Variants in NKAIN2 observed in about 807,000 individuals in gnomAD.
NKAIN2 encodes the protein sodium/potassium transporting ATPase interacting 2.
In NKAIN2, 14 loss-of-function variants were observed where a neutral mutation model predicts 32.6. The observed-to-expected ratio is 0.43, with a 90% CI of 0.28 to 0.67. The LOEUF is 0.67. NKAIN2 is among the 30% of genes least tolerant of loss of function. The pLI is 0.17. For missense variants in NKAIN2, 198 were observed against 258.3 expected (o/e 0.77, Z 1.60); for synonymous variants, 80 against 87.2 (o/e 0.92, Z 0.46).
intron 1 of NKAIN2, among the ~76,000 whole-genome samples, chr6:124,025,803 T>C (rs1324918376): frequency 3.4e-4 from 52 of 152,284 alleles, no homozygotes; most frequent in Admixed American, 3.4e-3. Context: ...CACCTTAGCA[T>C]TGTGGGGATT....
intron 3 of NKAIN2, among the ~76,000 whole-genome samples, chr6:124,454,793 T>A (rs900116774): frequency 2.0e-5 from 3 of 152,026 alleles, no homozygotes; most frequent in African/African-American, 7.2e-5. Context: ...AAACTGAGCA[T>A]TTTATTACCA....
intron 4 of NKAIN2, among the ~76,000 whole-genome samples, chr6:124,708,575 T>G (rs1308130442): frequency 6.6e-6 from 1 of 151,614 alleles, no homozygotes; most frequent in Non-Finnish European, 1.5e-5. Flanking sequence ...GTAAGTTGGA[T>G]TCCTAGGTAT....
intron 3 of NKAIN2, among the ~76,000 whole-genome samples, chr6:124,612,298 G>A (rs1244904007): frequency 6.6e-6 from 1 of 151,886 alleles, no homozygotes; most frequent in African/African-American, 2.4e-5. Flanking sequence ...CAGTTGCTTT[G>A]CATTAATAAA....
chr6:124,760,989 A>C (rs1778238134), intron 4 of NKAIN2, among the ~76,000 whole-genome samples: 1 of 152,196 alleles, frequency 6.6e-6, no homozygotes, highest in Admixed American at 6.5e-5. Context: ...CTGAATAAAT[A>C]ACTGAAATAT....
chr6:124,093,429 G>A (rs1784516194), intron 1 of NKAIN2, among the ~76,000 whole-genome samples: 1 of 152,010 alleles, frequency 6.6e-6, no homozygotes, highest in Non-Finnish European at 1.5e-5. Context: ...CTAACCCATA[G>A]GATTGTTACA....
chr6:124,469,635 C>A (rs918791246), intron 3 of NKAIN2, among the ~76,000 whole-genome samples: 2 of 152,108 alleles, frequency 1.3e-5, no homozygotes, highest in African/African-American at 4.8e-5. Context: ...GGAACTGTTT[C>A]ATTTAAAAAC....
At chr6:123,983,394 T>C (rs962678778) in intron 1 of NKAIN2, among the ~76,000 whole-genome samples, 2 of 152,190 alleles carry the variant, frequency 1.3e-5, no homozygotes, top group Non-Finnish European at 2.9e-5. Flanking sequence ...TTATTAGCAC[T>C]CTTGAACCAA....
At chr6:124,211,822 G>T (rs538257579) in intron 1 of NKAIN2, among the ~76,000 whole-genome samples, 1 of 151,890 alleles carries the variant, frequency 6.6e-6, no homozygotes, top group Admixed American at 6.6e-5. Context: ...GTTAAAAGTC[G>T]AAAATTGTGA....
intron 1 of NKAIN2, among the ~76,000 whole-genome samples, chr6:124,246,826 A>G (rs1793432693): frequency 6.6e-6 from 1 of 152,034 alleles, no homozygotes; most frequent in South Asian, 2.1e-4. Flanking sequence ...TACCATATCA[A>G]TTTACCACAA....
chr6:124,091,561 C>T (rs1209667568), intron 1 of NKAIN2, among the ~76,000 whole-genome samples: 2 of 152,030 alleles, frequency 1.3e-5, no homozygotes, highest in African/African-American at 4.8e-5. Context: ...TTTTTGTACA[C>T]ATTGGCTGAA....
At chr6:124,042,587 A>G (rs752554733) in intron 1 of NKAIN2, among the ~76,000 whole-genome samples, 62 of 152,074 alleles carry the variant, frequency 4.1e-4, no homozygotes, top group Non-Finnish European at 8.4e-4. Flanking sequence ...CATGCCTGCA[A>G]ATTTTGTGGT....
chr6:124,685,356 A>C (rs1773818234), intron 4 of NKAIN2, among the ~76,000 whole-genome samples: 1 of 152,208 alleles, frequency 6.6e-6, no homozygotes, highest in South Asian at 2.1e-4. Flanking sequence ...TTAAATTTGA[A>C]ATGTAATTGC....
At chr6:124,545,412 T>G (rs1445708148) in intron 3 of NKAIN2, among the ~76,000 whole-genome samples, 2 of 152,078 alleles carry the variant, frequency 1.3e-5, no homozygotes, top group Non-Finnish European at 2.9e-5. Flanking sequence ...AAGAGATAAG[T>G]CATTGGCAAG....
chr6:124,702,362 G>A (rs1774837849), intron 4 of NKAIN2, among the ~76,000 whole-genome samples: 1 of 151,932 alleles, frequency 6.6e-6, no homozygotes, highest in Non-Finnish European at 1.5e-5. Context: ...TTAAATATAA[G>A]GACAAAGAGC....
intron 3 of NKAIN2, among the ~76,000 whole-genome samples, chr6:124,520,461 G>T (rs1779080530): frequency 6.6e-6 from 1 of 152,014 alleles, no homozygotes; most frequent in Non-Finnish European, 1.5e-5. Context: ...TTATAAAATT[G>T]TTTAACATTT....
At chr6:124,370,321 T>A (rs1050494369) in intron 3 of NKAIN2, among the ~76,000 whole-genome samples, 1 of 152,180 alleles carries the variant, frequency 6.6e-6, no homozygotes, top group South Asian at 2.1e-4. Flanking sequence ...CGCCTCTTTA[T>A]AGGTTATATT....
chr6:124,086,257 T>G (rs1784186200), intron 1 of NKAIN2, among the ~76,000 whole-genome samples: 1 of 152,020 alleles, frequency 6.6e-6, no homozygotes, highest in Non-Finnish European at 1.5e-5. Context: ...CTTTTGTGTT[T>G]GAAATATGAC....
intron 5 of NKAIN2, among the ~76,000 whole-genome samples, chr6:124,798,730 T>A (rs1373186913): frequency 6.6e-6 from 1 of 152,222 alleles, no homozygotes; most frequent in South Asian, 2.1e-4. Context: ...CCTACTGCTC[T>A]ATTTCAGCAC....
At chr6:123,954,404 G>T (rs1282494807) in intron 1 of NKAIN2, among the ~76,000 whole-genome samples, 1 of 142,968 alleles carries the variant, frequency 7.0e-6, no homozygotes, top group East Asian at 1.9e-4. Flanking sequence ...GGACTATAGG[G>T]GTTCACTCTT....
Sources: gnomAD v4.1 joint callset for allele counts (sites outside exome capture counted in the v4.1 genomes callset) on GRCh38, gnomAD v4.1.1 for gene constraint, MANE v1.5 for transcripts, NCBI Gene and HGNC (gene_info 2026-07-23, HGNC 2026-07-21) for gene names.